PPTC7: variants seen among roughly 807,000 people sequenced by gnomAD.
The protein encoded by PPTC7 is protein phosphatase PTC7 homolog.
In PPTC7, 6 loss-of-function variants were observed where a neutral mutation model predicts 30.8. The ratio of observed to expected loss-of-function variants is 0.19; its 90% CI spans 0.11 to 0.38. The LOEUF (loss-of-function observed/expected upper bound fraction) is 0.38, where lower values mean the gene tolerates loss of function less well. Among genes scored for constraint, PPTC7 ranks in the 10% least tolerant of loss-of-function variants. The pLI, the probability that PPTC7 is intolerant of heterozygous loss-of-function variation, is 1.00. For synonymous variants in PPTC7, 163 were observed against 168.1 expected, an observed-to-expected ratio of 0.97 and a Z score of 0.23; for missense variants, 218 against 404.8, an observed-to-expected ratio of 0.54 and a Z score of 3.96.
intron 1 of PPTC7, among the ~76,000 whole-genome samples, chr12:110,561,718 A>G (rs1167995969): frequency 6.6e-6 from 1 of 152,148 alleles, no homozygotes; most frequent in Non-Finnish European, 1.5e-5. Context: ...GCACTGTGGG[A>G]GGCTGAGGCG....
chr12:110,552,310 G>A (rs1274757697), intron 1 of PPTC7, among the ~76,000 whole-genome samples: 1 of 152,206 alleles, frequency 6.6e-6, no homozygotes, highest in African/African-American at 2.4e-5. Flanking sequence ...AATGAAAATT[G>A]ATTTTTAAGC....
Position 110,583,014 on chromosome 12 carries a change from C to G in PPTC7, c.18G>C (p.Ser6=), listed in dbSNP as rs757623813. The G allele has an allele frequency of 6.9e-7, 1 of 1,444,970 alleles. No homozygotes were observed. Among genetic ancestry groups the G allele is most frequent in the Non-Finnish European group, 9.0e-7 (1 of 1,107,964 alleles). 89.5% of individuals were successfully genotyped at this position (1,444,970 alleles called of 1,614,324 possible). A position where few individuals can be genotyped will look rare whatever the true frequency, so the allele number is the denominator to read the frequency against. Reference sequence around the variant, plus strand: ...CGGCGCGGGCCACCAGCCGCCCGTACGAGAGGACCGAGAACATCGCCGCCG... The same window carrying G: ...CGGCGCGGGCCACCAGCCGCCCGTAGGAGAGGACCGAGAACATCGCCGCCG... The part of the protein sequence containing the change: MFSVL[S]YGRLVARAVL... The change falls in exon 1 of 6, where the codon TCG becomes TCC. Residue 6 remains serine (S), a synonymous_variant. Transcript: ENST00000354300.
intron 1 of PPTC7, among the ~76,000 whole-genome samples, chr12:110,570,920 T>C (rs1487231026): frequency 6.6e-6 from 1 of 151,898 alleles, no homozygotes; most frequent in Non-Finnish European, 1.5e-5. Context: ...CTCTATACTT[T>C]GTCTCTGTGT....
At chr12:110,578,406 A>C (rs1306992963) in intron 1 of PPTC7, among the ~76,000 whole-genome samples, 5 of 152,182 alleles carry the variant, frequency 3.3e-5, no homozygotes, top group Admixed American at 2.0e-4. Context: ...GTAAAGAGAA[A>C]GCACCTTTGA....
intron 1 of PPTC7, among the ~76,000 whole-genome samples, chr12:110,562,095 G>C (rs1004747352): frequency 6.6e-6 from 1 of 151,826 alleles, no homozygotes; most frequent in East Asian, 1.9e-4. Flanking sequence ...CAGTCTGGGT[G>C]AAAGAGCAAG....
At chr12:110,537,976 G>A (rs976372652) in intron 5 of PPTC7, among the ~76,000 whole-genome samples, 168 bp downstream of exon 5, 1 of 152,176 alleles carries the variant, frequency 6.6e-6, no homozygotes, top group African/African-American at 2.4e-5. Flanking sequence ...GGGAAGACAT[G>A]ACGAAATGCA....
At position 110,533,457 on chromosome 12, in the gene PPTC7, C is replaced by A. The variant is rs1399246936; in HGVS notation, c.*3580G>T. The A allele has an allele frequency of 6.6e-6, 1 of 152,182 alleles. No individual in the cohort carries two copies. The highest frequency in any genetic ancestry group is 2.4e-5 in the African/African-American group (1 of 41,450). The allele number at this position is 152,182 out of a possible 1,614,324, so 9.4% of individuals were successfully genotyped here. A position where few individuals can be genotyped will look rare whatever the true frequency, so the allele number is the denominator to read the frequency against. ...CTTCATTATTTAGCCATCTTTGCCA[C>A]AAACTACCTGCTAACAGTTAAAATT... On this transcript the variant is annotated 3_prime_UTR_variant, in exon 6 of 6. Coordinates refer to ENST00000354300, the MANE Select transcript of PPTC7 (RefSeq NM_139283.2).
At chr12:110,545,804 G>T in intron 3 of PPTC7, 76 bp downstream of exon 3, 3 of 1,299,138 alleles carry the variant, frequency 2.3e-6, no homozygotes, top group Non-Finnish European at 3.3e-6. Flanking sequence ...CTACCTCACT[G>T]CACTCAAGGG....
intron 3 of PPTC7, among the ~76,000 whole-genome samples, chr12:110,542,215 C>T (rs921333791): frequency 6.6e-6 from 1 of 151,766 alleles, no homozygotes; most frequent in Non-Finnish European, 1.5e-5. Flanking sequence ...ATATTTGACT[C>T]TCCAAATTGG....
chr12:110,544,067 G>C (rs1450469808), intron 3 of PPTC7, among the ~76,000 whole-genome samples: 1 of 152,228 alleles, frequency 6.6e-6, no homozygotes, highest in African/African-American at 2.4e-5. Flanking sequence ...CAATAATGTA[G>C]ATTACAGCCA....
chr12:110,570,736 AC>A (rs1053654601), intron 1 of PPTC7, among the ~76,000 whole-genome samples: 1 of 141,222 alleles, frequency 7.1e-6, no homozygotes, highest in African/African-American at 2.7e-5. Flanking sequence ...TGATGCCAAG[AC>A]CTTTGTTCAC....
chr12:110,557,475 CACTAT>C (rs2064400067), intron 1 of PPTC7, among the ~76,000 whole-genome samples: 1 of 151,994 alleles, frequency 6.6e-6, no homozygotes, highest in Non-Finnish European at 1.5e-5. Flanking sequence ...AACAGGGTCT[CACTAT>C]GTTGTCCAGG....
intron 4 of PPTC7, 132 bp from the exon 5 acceptor site, chr12:110,538,405 G>A: frequency 1.0e-5 from 8 of 803,940 alleles, no homozygotes; most frequent in Non-Finnish European, 1.4e-5. Flanking sequence ...TGGCTAATAT[G>A]AACAAGACTC....
chr12:110,555,020 T>C (rs2064375239), intron 1 of PPTC7, among the ~76,000 whole-genome samples: 2 of 152,226 alleles, frequency 1.3e-5, no homozygotes, highest in African/African-American at 4.8e-5. Context: ...ATCCTTCCCA[T>C]ACACACATTT....
At chr12:110,571,074 C>T (rs2064531243) in intron 1 of PPTC7, among the ~76,000 whole-genome samples, 1 of 152,338 alleles carries the variant, frequency 6.6e-6, no homozygotes, top group South Asian at 2.1e-4. Flanking sequence ...GAGGACAAGT[C>T]GACGAGAGAT....
chr12:110,569,965 A>C (rs571728978), intron 1 of PPTC7, among the ~76,000 whole-genome samples: 2 of 152,238 alleles, frequency 1.3e-5, no homozygotes, highest in South Asian at 4.1e-4. Flanking sequence ...TAATAAAAGA[A>C]TAAAAGATGA....
At chr12:110,582,732 A>C in intron 1 of PPTC7, 77 bp downstream of exon 1, 8 of 1,226,558 alleles carry the variant, frequency 6.5e-6, no homozygotes, top group Non-Finnish European at 7.9e-6. Context: ...GCCGGGAGGA[A>C]CTGGGGAAGC....
At chr12:110,550,276 G>T (rs961507117) in intron 2 of PPTC7, among the ~76,000 whole-genome samples, 1 of 132,530 alleles carries the variant, frequency 7.5e-6, no homozygotes, top group Non-Finnish European at 1.5e-5. Context: ...TGTCGCCCAC[G>T]CTGGAGTGCA....
intron 1 of PPTC7, among the ~76,000 whole-genome samples, chr12:110,573,024 C>T (rs888170169): frequency 2.6e-5 from 4 of 152,130 alleles, no homozygotes; most frequent in South Asian, 2.1e-4. Flanking sequence ...GGATTACAGG[C>T]GCCCGACACT....
Sources: gnomAD v4.1 joint callset for allele counts (sites outside exome capture counted in the v4.1 genomes callset) on GRCh38, gnomAD v4.1.1 for gene constraint, MANE v1.5 for transcripts, NCBI Gene and HGNC (gene_info 2026-07-23, HGNC 2026-07-21) for gene names.